KPNA5: variants seen among roughly 807,000 people sequenced by gnomAD.
KPNA5 encodes importin subunit alpha-6.
Under a neutral mutation model 71.3 loss-of-function variants are expected in KPNA5, and 46 were observed. The ratio of observed to expected loss-of-function variants is 0.65; its 90% CI spans 0.51 to 0.83. KPNA5 has a LOEUF of 0.83. Among genes scored for constraint, KPNA5 ranks in the 40% least tolerant of loss-of-function variants. The pLI is 0.00. For synonymous variants in KPNA5, 207 were observed against 201.4 expected, an observed-to-expected ratio of 1.03 and a Z score of -0.24; for missense variants, 547 against 628.3, an observed-to-expected ratio of 0.87 and a Z score of 1.38.
intron 1 of KPNA5, among the ~76,000 whole-genome samples, chr6:116,687,824 CTTG>C (rs1377383851): frequency 6.6e-6 from 1 of 152,138 alleles, no homozygotes; most frequent in Non-Finnish European, 1.5e-5. Flanking sequence ...ATTGTAGTAA[CTTG>C]TTTAGTTCAC....
rs543399432 is a variant in KPNA5 at position 116,682,145 on chromosome 6, C to CA, written c.4+815dup. Among the ~76,000 whole-genome samples the CA allele has an allele frequency of 5.4e-4, 82 of 151,510 alleles. 1 individual carries two copies. Among genetic ancestry groups the CA allele is most frequent in the South Asian group, 2.1e-3 (10 of 4,788 alleles). Reference sequence around the variant, plus strand: ...AAAATAAAATACAAAATAATAAATACAAAAAAAATACCAAAAATACAAAAA... The same window carrying CA: ...AAAATAAAATACAAAATAATAAATACAAAAAAAAATACCAAAAATACAAAAA... On this transcript the variant is annotated intron_variant, in intron 1 of 13. Transcript: ENST00000368564.
chr6:116,732,119 T>A lies in KPNA5; in HGVS notation c.1433-17T>A. 1 of 502,732 alleles carries A rather than the reference T, an allele frequency of 2.0e-6. No individual in the cohort carries two copies. The highest frequency in any genetic ancestry group is 3.2e-6 in the Non-Finnish European group (1 of 308,784). The allele number at this position is 502,732 out of a possible 1,614,324, so 31.1% of individuals were successfully genotyped here. A position where few individuals can be genotyped will look rare whatever the true frequency, so the allele number is the denominator to read the frequency against. On this transcript the variant is annotated splice_polypyrimidine_tract_variant and intron_variant, in intron 13 of 13. Coordinates refer to ENST00000368564, the MANE Select transcript of KPNA5 (RefSeq NM_001366306.2). ...ATATATATATATATATATATATATA[T>A]ATACTTTGTATAACAGGTCTGGATA... is the stretch of plus-strand genomic sequence containing the variant.
At chr6:116,716,668 A>G (rs1162311185) in intron 8 of KPNA5, among the ~76,000 whole-genome samples, 1 of 152,212 alleles carries the variant, frequency 6.6e-6, no homozygotes, top group African/African-American at 2.4e-5. Flanking sequence ...TTTTCATTGT[A>G]ACTTTTATCT....
chr6:116,682,934 GA>G (rs1202627857), intron 1 of KPNA5, among the ~76,000 whole-genome samples: 6 of 152,206 alleles, frequency 3.9e-5, no homozygotes, highest in African/African-American at 1.4e-4. Context: ...AGTGAGGATG[GA>G]TGCAGTGTTA....
At chr6:116,694,546 AT>A (rs1188515257) in intron 4 of KPNA5, among the ~76,000 whole-genome samples, 1 of 151,710 alleles carries the variant, frequency 6.6e-6, no homozygotes, top group Non-Finnish European at 1.5e-5. Flanking sequence ...TTTGTCTGTT[AT>A]TGGTGTATAA....
intron 7 of KPNA5, among the ~76,000 whole-genome samples, chr6:116,710,025 C>T (rs1344647529): frequency 4.6e-5 from 7 of 152,178 alleles, no homozygotes; most frequent in Non-Finnish European, 1.0e-4. Context: ...TCCCAAGGTG[C>T]TGGGATTACA....
intron 1 of KPNA5, among the ~76,000 whole-genome samples, chr6:116,683,193 T>C (rs1249466540): frequency 1.3e-5 from 2 of 152,196 alleles, no homozygotes; most frequent in African/African-American, 4.8e-5. Flanking sequence ...CTTAAAAATT[T>C]CTGTTTTTTG....
chr6:116,710,051 G>A (rs1410809489), intron 7 of KPNA5, among the ~76,000 whole-genome samples: 2 of 152,130 alleles, frequency 1.3e-5, no homozygotes, highest in African/African-American at 4.8e-5. Flanking sequence ...GAGTCACTGT[G>A]CCTGACCTGT....
intron 4 of KPNA5, among the ~76,000 whole-genome samples, chr6:116,693,742 T>A (rs1273213833): frequency 6.6e-6 from 1 of 152,024 alleles, no homozygotes; most frequent in African/African-American, 2.4e-5. Context: ...TTAGTTTAAT[T>A]AGATCCCATT....
intron 7 of KPNA5, among the ~76,000 whole-genome samples, chr6:116,709,578 T>C (rs1033623808): frequency 1.3e-5 from 2 of 152,210 alleles, no homozygotes; most frequent in Non-Finnish European, 2.9e-5. Context: ...GTTGGCTGTG[T>C]GAATTCTTTT....
chr6:116,720,920 C>T (rs1294793712), intron 8 of KPNA5, among the ~76,000 whole-genome samples: 1 of 152,192 alleles, frequency 6.6e-6, no homozygotes, highest in Non-Finnish European at 1.5e-5. Flanking sequence ...GAGAAGGATC[C>T]AGTTGTGCTG....
At chr6:116,687,483 A>G (rs1414574955) in intron 1 of KPNA5, among the ~76,000 whole-genome samples, 3 of 152,210 alleles carry the variant, frequency 2.0e-5, no homozygotes, top group African/African-American at 7.2e-5. Context: ...ACATGCATGT[A>G]TATTTGTTAA....
chr6:116,684,670 T>G (rs1384228530), intron 1 of KPNA5, among the ~76,000 whole-genome samples: 1 of 152,208 alleles, frequency 6.6e-6, no homozygotes, highest in East Asian at 1.9e-4. Context: ...ATTTCTCCTT[T>G]GGTCATCCTT....
rs1777704114 is a variant in KPNA5, at chr6:116,689,329, C to T, written c.14C>T (p.Ala5Val). 1.2e-6 allele frequency: 2 copies of T among 1,602,350 alleles called. No individual in the cohort carries two copies. Among genetic ancestry groups the T allele is most frequent in the Admixed American group, 1.8e-5 (1 of 56,446 alleles). ...TTCTCCTTCCTTTAAGATGCCATGGCTAGTCCAGGGAAAGATAACTATAGA... is the reference window on the plus strand; with the variant it reads ...TTCTCCTTCCTTTAAGATGCCATGGTTAGTCCAGGGAAAGATAACTATAGA... MDAM[A>V]SPGKDNYRMK... Residue 5 changes from alanine to valine, a missense_variant, in exon 2 of 14, where the codon GCT becomes GTT. Ala to Val is a moderately conservative substitution (Grantham distance 64). Transcript: ENST00000368564.
At chr6:116,696,021 AT>A (rs535407134) in intron 4 of KPNA5, among the ~76,000 whole-genome samples, 7 of 152,074 alleles carry the variant, frequency 4.6e-5, no homozygotes, top group Non-Finnish European at 8.8e-5. Flanking sequence ...CATTGGTACA[AT>A]TTTTTTAAGC....
rs1779555390 is a variant in KPNA5 at position 116,733,127 on chromosome 6, C to G, written c.*804C>G. 6.6e-6 allele frequency: 1 copy of G among 151,630 alleles called. No homozygotes were observed. The allele number at this position is 151,630 out of a possible 1,614,324, so 9.4% of individuals were successfully genotyped here. A position where few individuals can be genotyped will look rare whatever the true frequency, so the allele number is the denominator to read the frequency against. The stretch of plus-strand genomic sequence containing the variant: ...TGAAATAGTGTTTTATTGTTTTTCA[C>G]TCATTGTTTTAAAGAGCATCATGAC... On this transcript the variant is annotated 3_prime_UTR_variant, in exon 14 of 14. Transcript: ENST00000368564.
rs551423822 is a variant in KPNA5, at chr6:116,690,997, G to A, written c.139-1058G>A. 7.9e-5 allele frequency among the ~76,000 whole-genome samples: 12 copies of A among 152,314 alleles called. No homozygotes were observed. In the South Asian group the frequency reaches 2.5e-3, roughly 32 times the overall value. ...TAATCCCAGCACTTTGGGAGGCCTA[G>A]GTGGGCGGGTCACCTGAGGTCAGGA... is the stretch of plus-strand genomic sequence containing the variant. On this transcript the variant is annotated intron_variant, in intron 2 of 13. Coordinates refer to ENST00000368564, the MANE Select transcript of KPNA5 (RefSeq NM_001366306.2).
At chr6:116,691,409 A>G (rs1777796097) in intron 2 of KPNA5, among the ~76,000 whole-genome samples, 1 of 152,228 alleles carries the variant, frequency 6.6e-6, no homozygotes, top group South Asian at 2.1e-4. Flanking sequence ...ACGTGCTGCC[A>G]TGCTTGGCTT....
chr6:116,730,181 T>C (rs1779433550), intron 13 of KPNA5, among the ~76,000 whole-genome samples: 1 of 150,306 alleles, frequency 6.7e-6, no homozygotes, highest in South Asian at 2.1e-4. Context: ...CCACCTCCCA[T>C]GTTCAAGCAA....
Sources: allele counts gnomAD v4.1 joint callset (sites outside exome capture counted in the v4.1 genomes callset), GRCh38; gene constraint gnomAD v4.1.1; transcripts MANE v1.5; gene names NCBI Gene and HGNC (gene_info 2026-07-23, HGNC 2026-07-21).